The following APP variants were observed in gnomAD, a reference collection of about 807,000 sequenced individuals.
The protein encoded by APP is amyloid beta precursor protein, also known as amyloid-beta precursor protein.
In APP, 31 loss-of-function variants were observed where a neutral mutation model predicts 101.4. That is an observed-to-expected ratio of 0.31 (90% CI 0.23 to 0.41). APP has a LOEUF of 0.41. APP is among the 10% of genes least tolerant of loss of function. APP has a pLI of 1.00. For synonymous variants in APP, 366 were observed against 364.4 expected (o/e 1.00, Z -0.05); for missense variants, 839 against 1,003.7 (o/e 0.84, Z 2.22).
intron 3 of APP, among the ~76,000 whole-genome samples, chr21:26,080,531 G>A (rs1028207990): frequency 2.0e-5 from 3 of 151,934 alleles, no homozygotes; most frequent in African/African-American, 7.3e-5. Context: ...TACTTTGGGA[G>A]GCTGAGGCGG....
At chr21:25,972,622 G>A (rs977287221) in intron 11 of APP, among the ~76,000 whole-genome samples, 8 of 82,206 alleles carry the variant, frequency 9.7e-5, no homozygotes, top group African/African-American at 3.5e-4. Context: ...CTGCAGTCTC[G>A]AACTCCTGGG....
intron 9 of APP, among the ~76,000 whole-genome samples, chr21:25,982,037 T>TAC (rs2042452079): frequency 2.6e-5 from 4 of 152,226 alleles, no homozygotes; most frequent in African/African-American, 9.6e-5. Flanking sequence ...TTACAACATG[T>TAC]TGATTACAGG....
chr21:25,895,341 T>C (rs1474982244), intron 16 of APP, among the ~76,000 whole-genome samples: 4 of 152,084 alleles, frequency 2.6e-5, no homozygotes, highest in African/African-American at 9.7e-5. Flanking sequence ...AATTTTTGTA[T>C]TTTTAGTAGA....
intron 13 of APP, among the ~76,000 whole-genome samples, chr21:25,940,886 G>A (rs979875662): frequency 1.3e-5 from 2 of 152,308 alleles, no homozygotes; most frequent in Admixed American, 1.3e-4. Flanking sequence ...GATTCAGGAG[G>A]TCAGGGGTGG....
intron 6 of APP, among the ~76,000 whole-genome samples, chr21:26,009,445 C>T (rs563776310): frequency 3.6e-4 from 55 of 152,318 alleles, no homozygotes; most frequent in African/African-American, 1.3e-3. Flanking sequence ...AAATACCAGA[C>T]TTCTTAGAAA....
At chr21:26,069,673 G>C (rs1204256439) in intron 3 of APP, among the ~76,000 whole-genome samples, 1 of 152,176 alleles carries the variant, frequency 6.6e-6, no homozygotes, top group African/African-American at 2.4e-5. Flanking sequence ...GCCTCTTTTA[G>C]ATTCTCCTGG....
intron 9 of APP, among the ~76,000 whole-genome samples, chr21:25,977,220 T>C (rs1025175125): frequency 5.9e-5 from 9 of 152,226 alleles, no homozygotes; most frequent in Admixed American, 6.5e-5. Flanking sequence ...TGCACCTCTG[T>C]ATGTTGTTCA....
At chr21:26,079,427 A>C (rs1286663251) in intron 3 of APP, among the ~76,000 whole-genome samples, 3 of 152,198 alleles carry the variant, frequency 2.0e-5, no homozygotes, top group Non-Finnish European at 2.9e-5. Context: ...TCCAAGACTG[A>C]ATTACGCAGC....
intron 11 of APP, among the ~76,000 whole-genome samples, chr21:25,963,680 C>T (rs2041677228): frequency 6.6e-6 from 1 of 152,090 alleles, no homozygotes; most frequent in Middle Eastern, 3.2e-3. Context: ...AGAAAATTTC[C>T]GTGTGCAGGT....
At chr21:25,994,475 A>G (rs1216943851) in intron 8 of APP, among the ~76,000 whole-genome samples, 2 of 152,252 alleles carry the variant, frequency 1.3e-5, no homozygotes, top group Non-Finnish European at 2.9e-5. Flanking sequence ...TTTTTATGAC[A>G]AAAGTTTGAA....
chr21:26,081,352 C>T (rs1223075029), intron 3 of APP, among the ~76,000 whole-genome samples: 1 of 121,584 alleles, frequency 8.2e-6, no homozygotes, highest in Admixed American at 1.2e-4. Flanking sequence ...TTGTAAGATT[C>T]GGGTAGGTAA....
At chr21:26,047,818 G>A (rs541755115) in intron 5 of APP, among the ~76,000 whole-genome samples, 6 of 152,322 alleles carry the variant, frequency 3.9e-5, no homozygotes, top group Admixed American at 1.3e-4. Flanking sequence ...TGTGTGGCTA[G>A]TATGAATTGA....
intron 11 of APP, among the ~76,000 whole-genome samples, chr21:25,966,778 A>AT (rs2041813442): frequency 6.6e-6 from 1 of 152,196 alleles, no homozygotes; most frequent in African/African-American, 2.4e-5. Flanking sequence ...TAGTACCACA[A>AT]TTTCTTTTTT....
chr21:26,038,492 G>A (rs942770073), intron 5 of APP, among the ~76,000 whole-genome samples: 6 of 152,110 alleles, frequency 3.9e-5, no homozygotes, highest in East Asian at 3.8e-4. Context: ...CAGCTGGCGC[G>A]GTGTCTCACG....
intron 1 of APP, among the ~76,000 whole-genome samples, chr21:26,168,224 GC>G (rs2063659902): frequency 6.6e-6 from 1 of 152,052 alleles, no homozygotes; most frequent in Non-Finnish European, 1.5e-5. Context: ...TCCCCCGATA[GC>G]CAAGGCCCCA....
chr21:25,894,975 G>GATT (rs2037935994), intron 16 of APP, among the ~76,000 whole-genome samples: 1 of 152,110 alleles, frequency 6.6e-6, no homozygotes, highest in Non-Finnish European at 1.5e-5. Context: ...CCACCACCTG[G>GATT]ATTAGCCTGC....
intron 8 of APP, among the ~76,000 whole-genome samples, chr21:25,988,702 C>CAAAAAAAAAAA (rs537417600): frequency 0.047 from 2,894 of 61,962 alleles, 141 homozygotes; most frequent in Non-Finnish European, 0.056. Flanking sequence ...AACTCTGTCT[C>CAAAAAAAAAAA]AAAAAAAAAA....
chr21:26,151,337 C>T (rs1012177587), intron 1 of APP, among the ~76,000 whole-genome samples: 2 of 152,172 alleles, frequency 1.3e-5, no homozygotes, highest in South Asian at 2.1e-4. Flanking sequence ...GCTCCAGCTA[C>T]ATTTGCCTGT....
At chr21:26,062,714 CT>C (rs1298843892) in intron 3 of APP, among the ~76,000 whole-genome samples, 2 of 142,218 alleles carry the variant, frequency 1.4e-5, no homozygotes, top group Admixed American at 1.4e-4. Flanking sequence ...AGTCTTGCAG[CT>C]TTTAAAAAGA....
Sources: gnomAD v4.1 joint callset for allele counts (sites outside exome capture counted in the v4.1 genomes callset) on GRCh38, gnomAD v4.1.1 for gene constraint, MANE v1.5 for transcripts, NCBI Gene and HGNC (gene_info 2026-07-23, HGNC 2026-07-21) for gene names.